The following CACNA2D1 variants were observed in gnomAD, a reference collection of about 807,000 sequenced individuals.
CACNA2D1 encodes the protein voltage-dependent calcium channel subunit alpha-2/delta-1.
Under a neutral mutation model 171.5 loss-of-function variants are expected in CACNA2D1, and 53 were observed. That is an observed-to-expected ratio of 0.31 (90% confidence interval 0.25 to 0.39). The LOEUF (loss-of-function observed/expected upper bound fraction) is 0.39, where lower values mean the gene tolerates loss of function less well. Among genes scored for constraint, CACNA2D1 ranks in the 10% least tolerant of loss-of-function variants. CACNA2D1 has a pLI of 1.00. For synonymous variants in CACNA2D1, 442 were observed against 443.1 expected (o/e 1.00, Z 0.03); for missense variants, 903 against 1,299.8 (o/e 0.69, Z 4.69).
chr7:82,392,913 T>A (rs1260139456), intron 1 of CACNA2D1, among the ~76,000 whole-genome samples: 1 of 151,932 alleles, frequency 6.6e-6, no homozygotes, highest in Non-Finnish European at 1.5e-5. Context: ...CCCTGAAAGA[T>A]ACAGTTATCC....
intron 5 of CACNA2D1, among the ~76,000 whole-genome samples, chr7:82,129,468 A>G (rs1376652088): frequency 6.6e-6 from 1 of 152,156 alleles, no homozygotes; most frequent in Non-Finnish European, 1.5e-5. Flanking sequence ...TGGCATTTGA[A>G]GAGTACTTCT....
chr7:82,260,157 G>A (rs1806886909), intron 3 of CACNA2D1, among the ~76,000 whole-genome samples: 1 of 152,232 alleles, frequency 6.6e-6, no homozygotes. Flanking sequence ...AGGAGGCAGA[G>A]GTTTCACTGA....
chr7:82,072,988 G>C (rs1808510529), intron 7 of CACNA2D1, among the ~76,000 whole-genome samples: 1 of 152,122 alleles, frequency 6.6e-6, no homozygotes, highest in Admixed American at 6.5e-5. Flanking sequence ...GATATGCTTA[G>C]ATGTTAACCA....
At chr7:82,116,171 G>A (rs1229412763) in intron 6 of CACNA2D1, among the ~76,000 whole-genome samples, 1 of 152,170 alleles carries the variant, frequency 6.6e-6, no homozygotes. Context: ...GGCAGGGAAC[G>A]AGGTGCAGGA....
rs77259116 is a variant in CACNA2D1 at position 82,093,596 on chromosome 7, A to G, written c.527-8696T>C. ...CTTTCCATTTCAATTGCTATAAGAC[A>G]ATGGCAAACTGAAAAAAGATTTTTA... On this transcript the variant is annotated intron_variant, in intron 6 of 38. Transcript: ENST00000356860. 9.6e-3 allele frequency among the ~76,000 whole-genome samples: 1,458 copies of G among 152,254 alleles called. 26 individuals carry two copies. The highest frequency in any genetic ancestry group is 0.033 in the African/African-American group (1,389 of 41,534).
intron 1 of CACNA2D1, among the ~76,000 whole-genome samples, chr7:82,383,032 T>A (rs966172833): frequency 6.6e-6 from 1 of 152,144 alleles, no homozygotes; most frequent in African/African-American, 2.4e-5. Context: ...TCCACAGTTG[T>A]AAAAGAAGGA....
At chr7:82,204,555 G>A (rs1799818043) in intron 3 of CACNA2D1, among the ~76,000 whole-genome samples, 1 of 152,024 alleles carries the variant, frequency 6.6e-6, no homozygotes, top group African/African-American at 2.4e-5. Flanking sequence ...TGGAGTTGTT[G>A]TTCCCTGTAT....
chr7:82,317,091 G>C (rs1815218131), intron 3 of CACNA2D1, among the ~76,000 whole-genome samples: 1 of 152,164 alleles, frequency 6.6e-6, no homozygotes, highest in South Asian at 2.1e-4. Flanking sequence ...AATGTTAGTT[G>C]AATATTACCG....
intron 3 of CACNA2D1, among the ~76,000 whole-genome samples, chr7:82,171,200 T>C (rs1366676265): frequency 6.6e-6 from 1 of 152,086 alleles, no homozygotes; most frequent in Non-Finnish European, 1.5e-5. Flanking sequence ...TATGCTAAAG[T>C]AGTTAAGAAT....
intron 34 of CACNA2D1, among the ~76,000 whole-genome samples, chr7:81,963,485 T>C (rs1442251386): frequency 6.6e-6 from 1 of 151,904 alleles, no homozygotes; most frequent in African/African-American, 2.4e-5. Flanking sequence ...CAATTGACCA[T>C]TTAAATGTCT....
At chr7:82,400,646 C>T (rs918902107) in intron 1 of CACNA2D1, among the ~76,000 whole-genome samples, 33 of 152,096 alleles carry the variant, frequency 2.2e-4, no homozygotes, top group Non-Finnish European at 3.5e-4. Flanking sequence ...CAGGCATGGG[C>T]AAGGACTTCA....
intron 12 of CACNA2D1, among the ~76,000 whole-genome samples, chr7:82,025,368 C>T: frequency 6.6e-6 from 1 of 151,522 alleles, no homozygotes; most frequent in South Asian, 2.1e-4. Flanking sequence ...AAGTTCGCCT[C>T]CTTTGTTAAG....
chr7:82,012,634 A>C (rs2130931805), intron 14 of CACNA2D1, among the ~76,000 whole-genome samples: 1 of 152,248 alleles, frequency 6.6e-6, no homozygotes, highest in Admixed American at 6.5e-5. Flanking sequence ...GCAGCCACAT[A>C]CTTTCTTTCA....
At chr7:81,997,119 G>C (rs1264767475) in intron 19 of CACNA2D1, 60 bp downstream of exon 19, 4 of 903,890 alleles carry the variant, frequency 4.4e-6, no homozygotes, top group Non-Finnish European at 7.5e-6. Context: ...GATACTTGTA[G>C]AATGAGTGCA....
chr7:82,255,494 A>AT (rs1187659560), intron 3 of CACNA2D1, among the ~76,000 whole-genome samples: 1 of 152,238 alleles, frequency 6.6e-6, no homozygotes, highest in African/African-American at 2.4e-5. Flanking sequence ...CACAGTTGGC[A>AT]TAACAGAAAC....
intron 8 of CACNA2D1, among the ~76,000 whole-genome samples, chr7:82,065,761 T>C (rs539011201): frequency 3.1e-4 from 47 of 152,326 alleles, no homozygotes; most frequent in East Asian, 5.8e-4. Context: ...TCTTTTCTCA[T>C]GAATATGTAC....
chr7:82,320,477 T>C (rs977254093), intron 3 of CACNA2D1, among the ~76,000 whole-genome samples: 5 of 152,016 alleles, frequency 3.3e-5, no homozygotes, highest in African/African-American at 1.2e-4. Flanking sequence ...AGTGGCACCA[T>C]CATAGCTCAC....
intron 1 of CACNA2D1, among the ~76,000 whole-genome samples, chr7:82,385,812 C>G (rs1030713153): frequency 6.6e-6 from 1 of 151,940 alleles, no homozygotes; most frequent in Non-Finnish European, 1.5e-5. Context: ...TTACAGGAAC[C>G]TGCCACCATG....
At chr7:82,056,349 T>C (rs951415937) in intron 10 of CACNA2D1, among the ~76,000 whole-genome samples, 1 of 152,160 alleles carries the variant, frequency 6.6e-6, no homozygotes, top group African/African-American at 2.4e-5. Flanking sequence ...AGAAGCAACA[T>C]GAGGATGGAC....
Sources: gnomAD v4.1 joint callset for allele counts (sites outside exome capture counted in the v4.1 genomes callset) on GRCh38, gnomAD v4.1.1 for gene constraint, MANE v1.5 for transcripts, NCBI Gene and HGNC (gene_info 2026-07-23, HGNC 2026-07-21) for gene names.